Variants in PDE1C observed in about 807,000 individuals in gnomAD.
The protein encoded by PDE1C is phosphodiesterase 1C, also known as dual specificity calcium/calmodulin-dependent 3',5'-cyclic nucleotide phosphodiesterase 1C.
A neutral mutation model predicts 93.1 loss-of-function variants in PDE1C; 62 were observed. The ratio of observed to expected loss-of-function variants is 0.67; its 90% CI spans 0.54 to 0.82. PDE1C has a LOEUF of 0.82. Among genes scored for constraint, PDE1C ranks in the 40% least tolerant of loss-of-function variants. PDE1C has a pLI of 0.00. For missense variants in PDE1C, 742 were observed against 884.6 expected (o/e 0.84, Z 2.04); for synonymous variants, 325 against 310.1 (o/e 1.05, Z -0.50).
chr7:32,288,178 A>C (rs1812117867), intron 1 of PDE1C, among the ~76,000 whole-genome samples: 1 of 152,150 alleles, frequency 6.6e-6, no homozygotes, highest in Non-Finnish European at 1.5e-5. Flanking sequence ...TAGAAACTAG[A>C]TTGGAGTCAT....
chr7:32,047,311 G>C (rs553445698), intron 2 of PDE1C, among the ~76,000 whole-genome samples: 1 of 152,100 alleles, frequency 6.6e-6, no homozygotes, highest in Admixed American at 6.6e-5. Context: ...CTCTCTAGCC[G>C]TCAAATTACC....
rs73106516 is a variant in PDE1C at position 32,205,961 on chromosome 7, G to T, written c.136+3528C>A. Among the ~76,000 whole-genome samples, 61 of 152,024 alleles carry T rather than the reference G, an allele frequency of 4.0e-4. 1 individual carries two copies. The highest frequency in any genetic ancestry group is 3.3e-3 in the Admixed American group (50 of 15,294). On this transcript the variant is annotated intron_variant, in intron 2 of 18. Transcript: ENST00000396193. ...TAAGAACTGTAACACTCACCAGGTG[G>T]GTCCATGTTTTCATTTTTGAAGTCA...
intron 2 of PDE1C, among the ~76,000 whole-genome samples, chr7:31,969,565 A>G (rs1185512070): frequency 6.6e-6 from 1 of 152,222 alleles, no homozygotes; most frequent in Non-Finnish European, 1.5e-5. Flanking sequence ...TAGTTCAACC[A>G]TTGTGGAAGT....
At chr7:32,427,687 C>A (rs1267869504) in intron 1 of PDE1C, among the ~76,000 whole-genome samples, 2 of 152,220 alleles carry the variant, frequency 1.3e-5, no homozygotes, top group East Asian at 1.9e-4. Context: ...GAAATCAATC[C>A]TAACTTGTAA....
rs147033755 is a variant in PDE1C at position 32,407,412 on chromosome 7, T to C, written c.310+20410A>G. On this transcript the variant is annotated intron_variant, in intron 1 of 1. Coordinates refer to the PDE1C transcript ENST00000672256. ...AACACTGCATGGGAGATAACTTGGA[T>C]GAGAAGAAGAAGCATGAGCCAGTAT... is the stretch of plus-strand genomic sequence containing the variant. 4.2e-3 allele frequency among the ~76,000 whole-genome samples: 640 copies of C among 152,292 alleles called. 9 individuals carry two copies. The highest frequency in any genetic ancestry group is 0.015 in the African/African-American group (621 of 41,548).
At chr7:31,870,118 A>G (rs1019032673) in intron 6 of PDE1C, among the ~76,000 whole-genome samples, 9 of 152,050 alleles carry the variant, frequency 5.9e-5, no homozygotes, top group Non-Finnish European at 1.2e-4. Context: ...GCTAAAAGGG[A>G]AATTTTAGCA....
intron 1 of PDE1C, among the ~76,000 whole-genome samples, chr7:32,241,976 A>G (rs1808574554): frequency 6.6e-6 from 1 of 152,210 alleles, no homozygotes; most frequent in Admixed American, 6.5e-5. Flanking sequence ...GATAAGAATC[A>G]AGGTCATCAG....
chr7:31,658,162 T>C, the PDE1C span: 10 of 922,382 alleles, frequency 1.1e-5, no homozygotes, highest in African/African-American at 1.7e-5. Context: ...AGTGTATGCA[T>C]AGGCCATGTA....
intron 2 of PDE1C, among the ~76,000 whole-genome samples, chr7:31,999,821 A>C (rs1196960382): frequency 6.6e-6 from 1 of 152,182 alleles, no homozygotes; most frequent in Non-Finnish European, 1.5e-5. Context: ...GAGAGAGATT[A>C]ATCATTCAGC....
At chr7:31,986,822 C>T (rs760390397) in intron 2 of PDE1C, among the ~76,000 whole-genome samples, 3 of 152,084 alleles carry the variant, frequency 2.0e-5, no homozygotes, top group Non-Finnish European at 2.9e-5. Context: ...TTTAAGCCAC[C>T]TGGTTTGTGA....
intron 1 of PDE1C, among the ~76,000 whole-genome samples, chr7:32,334,355 G>T (rs989315958): frequency 9.9e-5 from 15 of 151,820 alleles, no homozygotes; most frequent in African/African-American, 2.2e-4. Flanking sequence ...CCACATTTTT[G>T]ATTAGAAAAT....
the PDE1C span, among the ~76,000 whole-genome samples, chr7:31,665,267 A>G: frequency 6.6e-6 from 1 of 152,158 alleles, no homozygotes; most frequent in African/African-American, 2.4e-5. Flanking sequence ...CTTCAAAAAG[A>G]CTTCATTGAC....
the PDE1C span, among the ~76,000 whole-genome samples, chr7:31,660,594 C>T: frequency 6.6e-6 from 1 of 151,942 alleles, no homozygotes; most frequent in Non-Finnish European, 1.5e-5. Context: ...CTTCTGGCTA[C>T]CGTACATAAA....
intron 1 of PDE1C, among the ~76,000 whole-genome samples, chr7:32,404,990 T>G (rs1014489035): frequency 6.6e-6 from 1 of 152,124 alleles, no homozygotes; most frequent in African/African-American, 2.4e-5. Context: ...TTAGATGGAG[T>G]GTTTATTTCA....
At chr7:31,754,242 C>G (rs1245384066) in intron 17 of PDE1C, among the ~76,000 whole-genome samples, 1 of 152,218 alleles carries the variant, frequency 6.6e-6, no homozygotes, top group African/African-American at 2.4e-5. Flanking sequence ...ACACCAATTG[C>G]TGGCAAGGAT....
At chr7:31,724,859 C>T in the PDE1C span, among the ~76,000 whole-genome samples, 1 of 152,120 alleles carries the variant, frequency 6.6e-6, no homozygotes, top group Non-Finnish European at 1.5e-5. Flanking sequence ...TTTGGGACCG[C>T]CCTTTCTGAA....
chr7:32,397,744 G>A (rs1436297051), intron 1 of PDE1C, among the ~76,000 whole-genome samples: 3 of 152,106 alleles, frequency 2.0e-5, no homozygotes, highest in African/African-American at 4.8e-5. Context: ...GGTCAGGCAC[G>A]GTGGCTCACG....
At chr7:32,391,014 T>C (rs1784738801) in intron 1 of PDE1C, among the ~76,000 whole-genome samples, 2 of 151,474 alleles carry the variant, frequency 1.3e-5, no homozygotes, top group South Asian at 4.2e-4. Flanking sequence ...ATAGCAAAAA[T>C]GGCAGACACA....
chr7:32,238,873 C>T (rs1808336747), intron 1 of PDE1C, among the ~76,000 whole-genome samples: 1 of 152,166 alleles, frequency 6.6e-6, no homozygotes, highest in South Asian at 2.1e-4. Context: ...AAGACCTAAA[C>T]ATGAACTGGG....
Sources: gnomAD v4.1 joint callset for allele counts (sites outside exome capture counted in the v4.1 genomes callset) on GRCh38, gnomAD v4.1.1 for gene constraint, MANE v1.5 for transcripts, NCBI Gene and HGNC (gene_info 2026-07-23, HGNC 2026-07-21) for gene names.